Variants in TMTC4 observed in about 807,000 individuals in gnomAD.
TMTC4 encodes the protein protein O-mannosyl-transferase TMTC4.
In TMTC4, 65 loss-of-function variants were observed where a neutral mutation model predicts 86.0. That is an observed-to-expected ratio of 0.76 (90% CI 0.62 to 0.93). TMTC4 has a LOEUF of 0.93. Among genes scored for constraint, TMTC4 ranks in the 40% least tolerant of loss-of-function variants. The pLI, the probability that TMTC4 is intolerant of heterozygous loss-of-function variation, is 0.00. For synonymous variants in TMTC4, 379 were observed against 382.5 expected, an observed-to-expected ratio of 0.99 and a Z score of 0.11; for missense variants, 866 against 948.1, an observed-to-expected ratio of 0.91 and a Z score of 1.14.
chr13:100,652,588 A>T (rs1884599210), intron 6 of TMTC4, among the ~76,000 whole-genome samples: 1 of 152,236 alleles, frequency 6.6e-6, no homozygotes, highest in African/African-American at 2.4e-5. Context: ...AATTTTCATT[A>T]GGATCAAGAG....
At chr13:100,632,874 G>A (rs1211658553) in intron 12 of TMTC4, among the ~76,000 whole-genome samples, 1 of 152,102 alleles carries the variant, frequency 6.6e-6, no homozygotes, top group African/African-American at 2.4e-5. Context: ...TTATGCTGAG[G>A]ACCTAAGAGA....
Position 100,637,913 on chromosome 13 carries a change from T to C in TMTC4, c.834+17A>G, listed in dbSNP as rs757433724. The C allele has an allele frequency of 2.5e-6, 4 of 1,592,222 alleles. No individual in the cohort carries two copies. The highest frequency in any genetic ancestry group is 4.5e-5 in the East Asian group (2 of 44,484). ...ACATTTTCCATGTCTGGGCTGGAGA[T>C]AAAAGTACAGACTCACCTCTAATGA... On this transcript the variant is annotated intron_variant, in intron 8 of 18. Transcript: ENST00000342624.
chr13:100,674,537 G>A, intron 1 of TMTC4: 1 of 981,252 alleles, frequency 1.0e-6, no homozygotes, highest in Non-Finnish European at 1.2e-6. Context: ...CCCATGTGCG[G>A]CTCACACAGG....
rs1880513132 is a variant in TMTC4, at chr13:100,626,240, TA to T, written c.1507-91del. 4 of 1,365,724 alleles carry T rather than the reference TA, an allele frequency of 2.9e-6. No individual in the cohort carries two copies. The South Asian group carries it at 4.7e-5, about 16-fold the overall frequency. The allele number at this position is 1,365,724 out of a possible 1,614,324, so 84.6% of individuals were successfully genotyped here. A position where few individuals can be genotyped will look rare whatever the true frequency, so the allele number is the denominator to read the frequency against. On this transcript the variant is annotated intron_variant, in intron 12 of 18. Transcript: ENST00000342624. The stretch of plus-strand genomic sequence containing the variant: ...ACATCTTCTAACTGAAGACAAAAGG[TA>T]AAGCGACGAGGAAAAAAAATCACCC...
chr13:100,647,077 C>T (rs1883851929), intron 6 of TMTC4, among the ~76,000 whole-genome samples: 1 of 152,166 alleles, frequency 6.6e-6, no homozygotes, highest in Admixed American at 6.5e-5. Flanking sequence ...GAAGTCCGGG[C>T]CTTCCGCCAC....
At chr13:100,674,583 G>A in intron 1 of TMTC4, 161 bp downstream of exon 1, 2 of 982,354 alleles carry the variant, frequency 2.0e-6, no homozygotes, top group Non-Finnish European at 1.2e-6. Flanking sequence ...CCGGGCCGCA[G>A]CTCAGGTCCC....
chr13:100,668,862 G>T, intron 2 of TMTC4, 68 bp from the exon 3 acceptor site: 1 of 1,435,664 alleles, frequency 7.0e-7, no homozygotes, highest in Non-Finnish European at 9.7e-7. Flanking sequence ...AGTGGGCACC[G>T]TGAGTAAGAG....
At chr13:100,666,692 C>T (rs998652309) in intron 3 of TMTC4, among the ~76,000 whole-genome samples, 28 of 152,302 alleles carry the variant, frequency 1.8e-4, no homozygotes, top group African/African-American at 5.3e-4. Context: ...AGTTCTGTGG[C>T]CATTAAGCCA....
At chr13:100,622,701 G>C (rs1019562118) in intron 15 of TMTC4, among the ~76,000 whole-genome samples, 3 of 152,080 alleles carry the variant, frequency 2.0e-5, no homozygotes, top group Non-Finnish European at 4.4e-5. Context: ...ATTACCCAGT[G>C]TCAGGTATAT....
chr13:100,634,798 T>C lies in TMTC4; in HGVS notation c.1506+7A>G. 4.3e-6 allele frequency: 7 copies of C among 1,612,008 alleles called. No individual in the cohort carries two copies. Among genetic ancestry groups the C allele is most frequent in the Non-Finnish European group, 5.9e-6 (7 of 1,179,336 alleles). On this transcript the variant is annotated splice_region_variant and intron_variant, in intron 12 of 18. Transcript: ENST00000342624. ...GTCCCTTTAAAAGAAATCTGGCAGC[T>C]AGGTACCTTAGCATTGAGGGGACAC... is the stretch of plus-strand genomic sequence containing the variant.
At chr13:100,655,907 AGACAGGGC>A (rs748457511) in intron 6 of TMTC4, among the ~76,000 whole-genome samples, 2 of 152,208 alleles carry the variant, frequency 1.3e-5, no homozygotes, top group African/African-American at 2.4e-5. Flanking sequence ...AGGTGCTCCA[AGACAGGGC>A]CTGAGCCTGG....
At chr13:100,658,210 T>G (rs1034334520) in intron 5 of TMTC4, among the ~76,000 whole-genome samples, 8 of 151,972 alleles carry the variant, frequency 5.3e-5, no homozygotes, top group African/African-American at 1.9e-4. Flanking sequence ...TGGTACAGGG[T>G]GGGTGCAGCT....
chr13:100,671,876 C>CA (rs34651640), intron 1 of TMTC4, among the ~76,000 whole-genome samples: 1,510 of 109,464 alleles, frequency 0.014, 23 homozygotes, highest in African/African-American at 0.048. Context: ...CTAGCAAACG[C>CA]AAAAAAAAAA....
chr13:100,607,722 G>A (rs1312725600), intron 17 of TMTC4, among the ~76,000 whole-genome samples: 2 of 152,154 alleles, frequency 1.3e-5, no homozygotes, highest in Non-Finnish European at 1.5e-5. Flanking sequence ...GAAATTGGCT[G>A]AGAATGTGGG....
intron 15 of TMTC4, chr13:100,615,035 G>T: frequency 5.1e-6 from 4 of 778,650 alleles, no homozygotes; most frequent in Non-Finnish European, 6.2e-6. Context: ...GTCTCCTATG[G>T]TAAGGTAAAA....
chr13:100,638,234 G>C, intron 7 of TMTC4: 1 of 485,600 alleles, frequency 2.1e-6, no homozygotes, highest in Non-Finnish European at 3.6e-6. Context: ...TATTTAGTAA[G>C]CCCCTGATAG....
chr13:100,649,461 T>C (rs1254240241), intron 6 of TMTC4, among the ~76,000 whole-genome samples: 1 of 152,216 alleles, frequency 6.6e-6, no homozygotes, highest in Non-Finnish European at 1.5e-5. Flanking sequence ...CATTATTTTA[T>C]TTCCAAGTGT....
chr13:100,632,746 A>C (rs1269866336), intron 12 of TMTC4, among the ~76,000 whole-genome samples: 1 of 152,198 alleles, frequency 6.6e-6, no homozygotes, highest in Admixed American at 6.5e-5. Context: ...AGTTTTGTTT[A>C]TATAATTTTG....
intron 15 of TMTC4, among the ~76,000 whole-genome samples, chr13:100,622,159 G>T (rs940064772): frequency 8.5e-5 from 13 of 152,166 alleles, no homozygotes; most frequent in African/African-American, 3.1e-4. Context: ...AGTGGTTCTG[G>T]AGAAAGTTAA....
Sources: allele counts gnomAD v4.1 joint callset (sites outside exome capture counted in the v4.1 genomes callset), GRCh38; gene constraint gnomAD v4.1.1; transcripts MANE v1.5; gene names NCBI Gene and HGNC (gene_info 2026-07-23, HGNC 2026-07-21).